Variants in GDF5 observed in about 807,000 individuals in gnomAD.
The protein encoded by GDF5 is growth/differentiation factor 5.
A neutral mutation model predicts 34.6 loss-of-function variants in GDF5; 17 were observed. That is an observed-to-expected ratio of 0.49 (90% confidence interval 0.34 to 0.74). The LOEUF (loss-of-function observed/expected upper bound fraction) is 0.74. GDF5 is among the 30% of genes least tolerant of loss of function. GDF5 has a pLI of 0.01. For synonymous variants in GDF5, 332 were observed against 290.7 expected (o/e 1.14, Z -1.44); for missense variants, 616 against 661.2 (o/e 0.93, Z 0.75).
chr20:35,443,501 GATT>G lies in GDF5; in HGVS notation c.-397-2117_-397-2115del, dbSNP rs34581704. On this transcript the variant is annotated intron_variant, in intron 1 of 3. Coordinates refer to the GDF5 transcript ENST00000374372. ...CCATCCTTATAAAGTCAGTTGGCCA[GATT>G]ATTATTATTATTATTATTATTTTTG... Among the ~76,000 whole-genome samples, 807 of 150,114 alleles carry G rather than the reference GATT, an allele frequency of 5.4e-3. 2 individuals carry two copies. Among genetic ancestry groups the G allele is most frequent in the African/African-American group, 0.019 (765 of 40,698 alleles).
Position 35,438,056 on chromosome 20 carries a change from G to T in GDF5, c.-128C>A. 2 of 1,066,426 alleles carry T rather than the reference G, an allele frequency of 1.9e-6. No homozygotes were observed. The highest frequency in any genetic ancestry group is 2.8e-6 in the Non-Finnish European group (2 of 711,964). 66.1% of individuals were successfully genotyped at this position (1,066,426 alleles called of 1,614,324 possible). A position where few individuals can be genotyped will look rare whatever the true frequency, so the allele number is the denominator to read the frequency against. ...AGCGGCAGCAGCAGTAGCAGCAGAA[G>T]GAAAGGCTTTCTCCTCAGTCTGAGA... On this transcript the variant is annotated 5_prime_UTR_variant, in exon 1 of 2. Coordinates refer to ENST00000374369, the MANE Select transcript of GDF5 (RefSeq NM_000557.5).
chr20:35,440,877 G>A (rs1383346596), upstream of GDF5, among the ~76,000 whole-genome samples: 1 of 152,206 alleles, frequency 6.6e-6, no homozygotes, highest in Non-Finnish European at 1.5e-5. Context: ...GCAGCTCTCA[G>A]TACGTGTTAT....
chr20:35,453,266 G>C (rs2062542359), intron 1 of GDF5, among the ~76,000 whole-genome samples: 1 of 152,074 alleles, frequency 6.6e-6, no homozygotes, highest in Admixed American at 6.6e-5. Flanking sequence ...AAAAGAAACA[G>C]AAGACTATCC....
At chr20:35,454,403 G>C (rs576626590) in intron 1 of GDF5, among the ~76,000 whole-genome samples, 1 of 151,122 alleles carries the variant, frequency 6.6e-6, no homozygotes, top group African/African-American at 2.4e-5. Flanking sequence ...GCAGTGAGCC[G>C]AGATCGTGCC....
At chr20:35,444,760 A>C (rs2062508639) in intron 1 of GDF5, among the ~76,000 whole-genome samples, 1 of 150,760 alleles carries the variant, frequency 6.6e-6, no homozygotes, top group African/African-American at 2.4e-5. Flanking sequence ...ATGCCCAGCT[A>C]ATTTTTGTAT....
chr20:35,454,228 A>G (rs1406916639), intron 1 of GDF5: 3 of 351,180 alleles, frequency 8.5e-6, no homozygotes, highest in Non-Finnish European at 1.7e-5. Context: ...CCGAGGCGGG[A>G]GGATCACGAG....
At chr20:35,438,358 T>TCTCACACACACACA, upstream of GDF5, 2 of 158,868 alleles carry the variant, frequency 1.3e-5, no homozygotes, top group South Asian at 2.7e-4. Context: ...TGAAAATACT[T>TCTCACACACACACA]CACACACACA....
rs780794426 is a variant in GDF5, at chr20:35,434,654, G to T, written c.761C>A (p.Ala254Asp). 1.0e-4 allele frequency: 168 copies of T among 1,609,542 alleles called. No homozygotes were observed. The highest frequency in any genetic ancestry group is 9.7e-4 in the African/African-American group (73 of 74,928). ...KKPSDTAKPA[A>D]PGGGRAAQLK... is the part of the protein sequence containing the mutation. ...CTGGGCAGCCCGCCCGCCTCCGGGG[G>T]CCGCTGGCTTGGCCGTGTCCGAGGG... The change falls in exon 2 of 2, where the codon GCC becomes GAC. Residue 254 changes from alanine (A) to aspartate (D), a missense_variant. Coordinates refer to ENST00000374369, the MANE Select transcript of GDF5 (RefSeq NM_000557.5).
intron 1 of GDF5, among the ~76,000 whole-genome samples, chr20:35,436,742 T>C (rs1189905596): frequency 6.6e-6 from 1 of 152,140 alleles, no homozygotes; most frequent in Non-Finnish European, 1.5e-5. Context: ...TTTCCCAAGG[T>C]CATACTGCGA....
chr20:35,433,874 G>A lies in GDF5; in HGVS notation c.*35C>T. 1 of 1,590,552 alleles carries A rather than the reference G, an allele frequency of 6.3e-7. No homozygotes were observed. Among genetic ancestry groups the A allele is most frequent in the Non-Finnish European group, 8.6e-7 (1 of 1,158,724 alleles). ...CAGGAGTGCAGGAAGGGGCTCTTGG[G>A]ATGTGCCACCCAGGAAGACAGAGGG... On this transcript the variant is annotated 3_prime_UTR_variant, in exon 2 of 2. Transcript: ENST00000374369.
rs1351186942 is a variant in GDF5, at chr20:35,434,215, G to A, written c.1200C>T (p.Cys400=). Residue 400 remains cysteine (C), a synonymous_variant, in exon 2 of 2, where the codon TGC becomes TGT. Coordinates refer to ENST00000374369, the MANE Select transcript of GDF5 (RefSeq NM_000557.5). The stretch of plus-strand genomic sequence containing the variant: ...AGTTGACATGCAGTGCCTTCCGACT[G>A]CAGCGAGCCTTAAGGTTCTTGCTGG... ...KRPSKNLKAR[C]SRKALHVNFK... 14 of 1,614,134 alleles carry A rather than the reference G, an allele frequency of 8.7e-6. No homozygotes were observed. Among genetic ancestry groups the A allele is most frequent in the Admixed American group, 5.0e-5 (3 of 60,010 alleles).
chr20:35,452,809 A>T (rs1464452213), intron 1 of GDF5, among the ~76,000 whole-genome samples: 2 of 152,224 alleles, frequency 1.3e-5, no homozygotes, highest in Non-Finnish European at 2.9e-5. Flanking sequence ...GACTTGATTC[A>T]TTCATTCAAT....
chr20:35,440,154 T>C (rs933295594), upstream of GDF5, among the ~76,000 whole-genome samples: 2 of 151,426 alleles, frequency 1.3e-5, no homozygotes, highest in African/African-American at 4.9e-5. Context: ...TGACCTCAAG[T>C]GATCCACCCA....
chr20:35,448,592 C>T (rs945820288), intron 1 of GDF5, among the ~76,000 whole-genome samples: 7 of 151,520 alleles, frequency 4.6e-5, no homozygotes, highest in Admixed American at 4.0e-4. Flanking sequence ...CACAGGTGCA[C>T]GACACCAGGC....
chr20:35,444,423 T>C (rs772299028), intron 1 of GDF5, among the ~76,000 whole-genome samples: 2 of 152,208 alleles, frequency 1.3e-5, no homozygotes, highest in Non-Finnish European at 2.9e-5. Context: ...GGAACAGCAG[T>C]TGCAAAGGCC....
chr20:35,442,175 C>T (rs1356001254), upstream of GDF5, among the ~76,000 whole-genome samples: 2 of 152,068 alleles, frequency 1.3e-5, no homozygotes, highest in Non-Finnish European at 2.9e-5. Context: ...GAGATGGAGC[C>T]TCGCTCTCTC....
chr20:35,434,871 C>G (rs1330456396), intron 1 of GDF5, 88 bp from the exon 2 acceptor site: 1 of 1,374,344 alleles, frequency 7.3e-7, no homozygotes, highest in Admixed American at 1.7e-5. Flanking sequence ...CCAGCTCTCT[C>G]CCAGTCCAGA....
upstream of GDF5, among the ~76,000 whole-genome samples, chr20:35,438,652 C>T (rs181034962): frequency 2.1e-3 from 315 of 152,302 alleles, 9 homozygotes; most frequent in South Asian, 0.046. Context: ...GGGGTCTTCA[C>T]CTCCACCTCA....
chr20:35,440,163 C>T (rs947689112), upstream of GDF5, among the ~76,000 whole-genome samples: 1 of 151,178 alleles, frequency 6.6e-6, no homozygotes, highest in Admixed American at 6.6e-5. Flanking sequence ...GTGATCCACC[C>T]ACCTTGGCCT....
Sources: gnomAD v4.1 joint callset for allele counts (sites outside exome capture counted in the v4.1 genomes callset) on GRCh38, gnomAD v4.1.1 for gene constraint, MANE v1.5 for transcripts, NCBI Gene and HGNC (gene_info 2026-07-23, HGNC 2026-07-21) for gene names.